The following CWC27 variants were observed in gnomAD, a reference collection of about 807,000 sequenced individuals.
CWC27 encodes the protein spliceosome-associated protein CWC27 homolog.
Under a neutral mutation model 63.6 loss-of-function variants are expected in CWC27, and 47 were observed. The ratio of observed to expected loss-of-function variants is 0.74; its 90% CI spans 0.58 to 0.94. The LOEUF (loss-of-function observed/expected upper bound fraction) is 0.94. Ranked by LOEUF, CWC27 falls within the 40% of genes least tolerant of loss-of-function variation. CWC27 has a pLI of 0.00. For missense variants in CWC27, 495 were observed against 554.3 expected (o/e 0.89, Z 1.07); for synonymous variants, 175 against 179.8 (o/e 0.97, Z 0.22).
intron 10 of CWC27, among the ~76,000 whole-genome samples, chr5:64,838,638 G>A (rs1745723538): frequency 6.6e-6 from 1 of 152,138 alleles, no homozygotes; most frequent in Non-Finnish European, 1.5e-5. Flanking sequence ...TCATCCAGAG[G>A]GAGAAAGCAG....
chr5:64,978,418 A>G (rs1248876469), intron 13 of CWC27, among the ~76,000 whole-genome samples: 1 of 152,158 alleles, frequency 6.6e-6, no homozygotes, highest in Non-Finnish European at 1.5e-5. Context: ...ATAGGTTTCT[A>G]TTACTTATAT....
chr5:64,839,105 A>G lies in CWC27; in HGVS notation c.938+34719A>G, dbSNP rs373330095. On this transcript the variant is annotated intron_variant, in intron 10 of 13. Transcript: ENST00000381070. ...TGTGAATTCCTAACTTCTGTCTGGC[A>G]TATACTAGGTGCTCAGGAAATGTTT... is the stretch of plus-strand genomic sequence containing the variant. 1.1e-3 allele frequency among the ~76,000 whole-genome samples: 164 copies of G among 152,356 alleles called. 1 individual carries two copies. Among genetic ancestry groups the G allele is most frequent in the African/African-American group, 3.5e-3 (146 of 41,586 alleles).
At chr5:64,822,321 G>A (rs1267089051) in intron 10 of CWC27, among the ~76,000 whole-genome samples, 3 of 152,190 alleles carry the variant, frequency 2.0e-5, no homozygotes, top group African/African-American at 4.8e-5. Context: ...GAGCCAGATA[G>A]TTAGCTGTGT....
intron 13 of CWC27, among the ~76,000 whole-genome samples, chr5:64,985,999 C>T (rs763228397): frequency 6.6e-5 from 10 of 152,042 alleles, no homozygotes; most frequent in South Asian, 2.1e-4. Context: ...GGATGGTTTC[C>T]CCCATGCTGT....
chr5:64,894,318 G>C (rs1354180086), intron 11 of CWC27, among the ~76,000 whole-genome samples: 3 of 152,060 alleles, frequency 2.0e-5, no homozygotes, highest in Admixed American at 6.6e-5. Flanking sequence ...TAGAACTCAG[G>C]ACCCTTAGAT....
chr5:64,921,049 A>T (rs941734884), intron 11 of CWC27, among the ~76,000 whole-genome samples: 8 of 151,958 alleles, frequency 5.3e-5, no homozygotes, highest in Non-Finnish European at 7.4e-5. Context: ...TGAATTTGAG[A>T]TCTTTCTAAC....
chr5:64,953,911 G>A (rs544956507), intron 11 of CWC27, among the ~76,000 whole-genome samples: 1 of 152,256 alleles, frequency 6.6e-6, no homozygotes, highest in Non-Finnish European at 1.5e-5. Context: ...CAGTTACTCA[G>A]CCAACTCTGC....
intron 10 of CWC27, among the ~76,000 whole-genome samples, chr5:64,845,514 C>G (rs1336322297): frequency 6.6e-6 from 1 of 151,986 alleles, no homozygotes; most frequent in Non-Finnish European, 1.5e-5. Context: ...ACAAAAATAA[C>G]AAGTTTGACA....
In CWC27 at chr5:64,970,958, AGTGTGTGTGTGTGTGT is replaced by A. The variant is rs57958257; in HGVS notation, c.1043-718_1043-703del. ...AAAGAGAAGAGAGAGAGAGAGAGGG[AGTGTGTGTGTGTGTGT>A]GTGTGTGTGTGTGTGTGTGTGTGTG... On this transcript the variant is annotated intron_variant, in intron 11 of 13. Transcript: ENST00000381070. 4.7e-3 allele frequency among the ~76,000 whole-genome samples: 671 copies of A among 143,508 alleles called. 2 individuals are homozygous for A. The highest frequency in any genetic ancestry group is 0.015 in the South Asian group (65 of 4,338). 94.1% of individuals were successfully genotyped at this position (143,508 alleles called of 152,430 possible). A position where few individuals can be genotyped will look rare whatever the true frequency, so the allele number is the denominator to read the frequency against.
At chr5:64,846,294 A>G (rs1262661627) in intron 10 of CWC27, among the ~76,000 whole-genome samples, 1 of 152,230 alleles carries the variant, frequency 6.6e-6, no homozygotes, top group African/African-American at 2.4e-5. Context: ...TCCCTAGTAC[A>G]TGAGTCAAAA....
At chr5:64,911,919 A>T (rs1306269410) in intron 11 of CWC27, among the ~76,000 whole-genome samples, 1 of 151,936 alleles carries the variant, frequency 6.6e-6, no homozygotes, top group Admixed American at 6.6e-5. Flanking sequence ...CTAAAAATAC[A>T]AAAAATTAGC....
At chr5:64,871,650 A>G (rs1746678823) in intron 10 of CWC27, among the ~76,000 whole-genome samples, 2 of 152,112 alleles carry the variant, frequency 1.3e-5, no homozygotes, top group Admixed American at 1.3e-4. Flanking sequence ...CATTGAAGTG[A>G]TGAGATCAAA....
At chr5:64,863,027 C>A (rs184196785) in intron 10 of CWC27, among the ~76,000 whole-genome samples, 5 of 152,246 alleles carry the variant, frequency 3.3e-5, no homozygotes, top group Admixed American at 1.3e-4. Flanking sequence ...TACCATCACA[C>A]TGGGAATTAA....
At chr5:64,916,566 C>A (rs539561686) in intron 11 of CWC27, among the ~76,000 whole-genome samples, 16 of 152,118 alleles carry the variant, frequency 1.1e-4, no homozygotes, top group Non-Finnish European at 2.1e-4. Context: ...TGCAGAAACT[C>A]TTCTACTAGT....
chr5:64,783,848 T>A lies in CWC27; in HGVS notation c.265T>A (p.Ser89Thr). ...YGAPFKDEFH[S>T]RLRFNRRGLV... Reference sequence around the variant, plus strand: ...TTTTACATTTCAGGATGAATTTCATTCACGGTTGCGTTTTAATCGGAGAGG... The same window carrying A: ...TTTTACATTTCAGGATGAATTTCATACACGGTTGCGTTTTAATCGGAGAGG... Residue 89 changes from serine (S) to threonine (T), a missense_variant, in exon 4 of 14, where the codon TCA becomes ACA. Ser to Thr is a moderately conservative substitution (Grantham distance 58). Coordinates refer to ENST00000381070, the MANE Select transcript of CWC27 (RefSeq NM_005869.4). 1 of 1,576,674 alleles carries A rather than the reference T, an allele frequency of 6.3e-7. No individual in the cohort carries two copies. The highest frequency in any genetic ancestry group is 1.4e-5 in the African/African-American group (1 of 72,766).
At chr5:64,864,048 T>C (rs1469419970) in intron 10 of CWC27, among the ~76,000 whole-genome samples, 1 of 152,206 alleles carries the variant, frequency 6.6e-6, no homozygotes, top group Non-Finnish European at 1.5e-5. Flanking sequence ...TTTTGAGATA[T>C]GCTTCCTGTA....
At chr5:64,824,580 T>G (rs1019647748) in intron 10 of CWC27, among the ~76,000 whole-genome samples, 2 of 151,968 alleles carry the variant, frequency 1.3e-5, no homozygotes, top group Non-Finnish European at 2.9e-5. Flanking sequence ...TAGCTGGGGC[T>G]CTACTCACCA....
chr5:64,948,356 A>T (rs1207589448), intron 11 of CWC27, among the ~76,000 whole-genome samples: 4 of 151,922 alleles, frequency 2.6e-5, no homozygotes, highest in Non-Finnish European at 5.9e-5. Flanking sequence ...TGAAATTGCC[A>T]TTTTTGTAGG....
At chr5:64,882,235 G>C (rs1034409548) in intron 10 of CWC27, among the ~76,000 whole-genome samples, 11 of 152,204 alleles carry the variant, frequency 7.2e-5, no homozygotes, top group African/African-American at 2.7e-4. Context: ...AGGGAGAAGA[G>C]TCCAAGGGAA....
Sources: gnomAD v4.1 joint callset for allele counts (sites outside exome capture counted in the v4.1 genomes callset) on GRCh38, gnomAD v4.1.1 for gene constraint, MANE v1.5 for transcripts, NCBI Gene and HGNC (gene_info 2026-07-23, HGNC 2026-07-21) for gene names.